LAMA2: variants seen among roughly 807,000 people sequenced by gnomAD.
The protein encoded by LAMA2 is laminin subunit alpha-2.
In LAMA2, 269 loss-of-function variants were observed where a neutral mutation model predicts 364.8. That is an observed-to-expected ratio of 0.74 (90% confidence interval 0.67 to 0.82). The LOEUF (loss-of-function observed/expected upper bound fraction) is 0.82, where lower values mean the gene tolerates loss of function less well. Among genes scored for constraint, LAMA2 ranks in the 40% least tolerant of loss-of-function variants. The pLI is 0.00. For synonymous variants in LAMA2, 1,379 were observed against 1,370.6 expected (o/e 1.01, Z -0.14); for missense variants, 3,807 against 3,873.2 (o/e 0.98, Z 0.45).
chr6:129,243,812 G>T (rs1006309810), intron 12 of LAMA2, among the ~76,000 whole-genome samples: 1 of 151,642 alleles, frequency 6.6e-6, no homozygotes, highest in African/African-American at 2.4e-5. Context: ...ATTGTGAAAA[G>T]AAATGCTATC....
At chr6:129,295,007 A>T (rs1789985949) in intron 20 of LAMA2, among the ~76,000 whole-genome samples, 1 of 152,258 alleles carries the variant, frequency 6.6e-6, no homozygotes. Context: ...CATATCTTAC[A>T]GTACTATTGT....
intron 3 of LAMA2, among the ~76,000 whole-genome samples, chr6:129,076,361 G>C (rs1773631925): frequency 6.7e-6 from 1 of 148,496 alleles, no homozygotes; most frequent in Non-Finnish European, 1.5e-5. Flanking sequence ...AAACCACTCA[G>C]GTCTTGGAAA....
chr6:129,190,289 T>A lies in LAMA2; in HGVS notation c.1552T>A (p.Cys518Ser), dbSNP rs1562314319. ...QEDNWKGCDE[C>S]FCSGVSNRCQ... ...GGATAATTGGAAAGGCTGCGATGAG[T>A]GTTTCTGTTCAGGGGTTTCAAACAG... is the stretch of plus-strand genomic sequence containing the variant. The change falls in exon 11 of 65, where the codon TGT becomes AGT. Residue 518 changes from cysteine (C) to serine (S), a missense_variant. Around this residue, in one of 3 missense-constraint regions of LAMA2, gnomAD observed 3,333 missense variants for 3,345.7 expected, o/e 1.00. Transcript: ENST00000421865. 6.2e-7 allele frequency: 1 copy of A among 1,613,702 alleles called. No homozygotes were observed. The highest frequency in any genetic ancestry group is 8.5e-7 in the Non-Finnish European group (1 of 1,179,646).
chr6:129,283,008 A>G (rs751799153), intron 18 of LAMA2, among the ~76,000 whole-genome samples: 10 of 152,156 alleles, frequency 6.6e-5, no homozygotes, highest in Non-Finnish European at 1.2e-4. Flanking sequence ...ACAAGATACA[A>G]CAAAACATGG....
At chr6:128,911,295 T>C (rs1313560091) in intron 1 of LAMA2, among the ~76,000 whole-genome samples, 1 of 152,186 alleles carries the variant, frequency 6.6e-6, no homozygotes. Context: ...TGAGACTCCG[T>C]GGGCGTAGTA....
chr6:129,098,132 T>C (rs754762088), intron 3 of LAMA2, 41 bp from the exon 4 acceptor site: 1 of 1,603,544 alleles, frequency 6.2e-7, no homozygotes, highest in Non-Finnish European at 8.5e-7. Context: ...GATGAGAATA[T>C]TTGGGAATTC....
intron 1 of LAMA2, among the ~76,000 whole-genome samples, chr6:128,975,895 C>G (rs1459955006): frequency 2.6e-5 from 4 of 152,072 alleles, no homozygotes; most frequent in Non-Finnish European, 5.9e-5. Flanking sequence ...TGGATTAATA[C>G]AAGGCATTAG....
At chr6:129,228,306 G>T (rs1040030661) in intron 12 of LAMA2, among the ~76,000 whole-genome samples, 1 of 151,998 alleles carries the variant, frequency 6.6e-6, no homozygotes, top group South Asian at 2.1e-4. Flanking sequence ...GCCCTGCTTT[G>T]GCTGACACTT....
At chr6:129,085,790 T>A (rs1346910710) in intron 3 of LAMA2, among the ~76,000 whole-genome samples, 1 of 152,170 alleles carries the variant, frequency 6.6e-6, no homozygotes, top group African/African-American at 2.4e-5. Context: ...AGTATAAAAT[T>A]CAGAAAAATT....
rs368710697 is a variant in LAMA2, at chr6:129,486,587, A to G, written c.7863A>G (p.Gly2621=). 1.5e-5 allele frequency: 24 copies of G among 1,613,842 alleles called. No homozygotes were observed. The highest frequency in any genetic ancestry group is 1.9e-5 in the Non-Finnish European group (22 of 1,179,864). ...IRPEPNLFHD[G]REHSVHVERT... ...CAGAGCCGAATCTGTTTCATGATGG[A>G]AGAGAACATTCCGTTCATGTAGAGC... Residue 2621 remains glycine (G), a synonymous_variant, in exon 56 of 65, where the codon GGA becomes GGG. Transcript: ENST00000421865.
intron 34 of LAMA2, among the ~76,000 whole-genome samples, chr6:129,371,669 C>A (rs534518004): frequency 1.4e-5 from 2 of 146,058 alleles, no homozygotes; most frequent in Non-Finnish European, 3.0e-5. Flanking sequence ...TGCAGTGGTG[C>A]GATCTTGGCT....
Position 129,314,652 on chromosome 6 carries a change from C to T in LAMA2, c.3412-3C>T. ...ACTCTGAGGGTCTCTTGTCTTTCCT[C>T]AGGTGAATGTGGAAGGCATCCACTG... is the stretch of plus-strand genomic sequence containing the variant. On this transcript the variant is annotated splice_region_variant and splice_polypyrimidine_tract_variant and intron_variant, in intron 23 of 64. Coordinates refer to ENST00000421865, the MANE Select transcript of LAMA2 (RefSeq NM_000426.4). 6.2e-7 allele frequency: 1 copy of T among 1,613,368 alleles called. No individual in the cohort carries two copies. Among genetic ancestry groups the T allele is most frequent in the Non-Finnish European group, 8.5e-7 (1 of 1,179,930 alleles).
rs79616167 is a variant in LAMA2, at chr6:128,912,476, G to A, written c.112+29119G>A. On this transcript the variant is annotated intron_variant, in intron 1 of 64. Coordinates refer to ENST00000421865, the MANE Select transcript of LAMA2 (RefSeq NM_000426.4). ...ATTCTTCATAGGTATATAAAACAGA[G>A]TAAGTATATTTTGTTTAACTTTTAA... Among the ~76,000 whole-genome samples, 134 of 152,260 alleles carry A rather than the reference G, an allele frequency of 8.8e-4. 3 individuals carry two copies. In the East Asian group the frequency reaches 0.026, roughly 29 times the overall value.
intron 1 of LAMA2, among the ~76,000 whole-genome samples, chr6:128,967,222 A>C (rs569200325): frequency 6.6e-6 from 1 of 152,292 alleles, no homozygotes; most frequent in East Asian, 1.9e-4. Flanking sequence ...GCTAATGGTC[A>C]AGGTAGATTC....
At chr6:128,990,804 A>G (rs1783563437) in intron 1 of LAMA2, among the ~76,000 whole-genome samples, 1 of 152,130 alleles carries the variant, frequency 6.6e-6, no homozygotes, top group Non-Finnish European at 1.5e-5. Context: ...AAATGTTTTT[A>G]ATTGAGCTGC....
At chr6:129,308,762 C>A (rs1339002679) in intron 22 of LAMA2, among the ~76,000 whole-genome samples, 1 of 152,140 alleles carries the variant, frequency 6.6e-6, no homozygotes, top group Non-Finnish European at 1.5e-5. Flanking sequence ...GTACAGGAAG[C>A]ATAGCGGCAT....
intron 4 of LAMA2, among the ~76,000 whole-genome samples, chr6:129,112,858 T>C (rs1161481143): frequency 7.2e-5 from 11 of 151,970 alleles, no homozygotes; most frequent in Non-Finnish European, 1.6e-4. Flanking sequence ...TTATTTCACC[T>C]ACTGAATAAC....
At chr6:129,016,837 A>G (rs1246381240) in intron 1 of LAMA2, among the ~76,000 whole-genome samples, 1 of 151,676 alleles carries the variant, frequency 6.6e-6, no homozygotes, top group Non-Finnish European at 1.5e-5. Flanking sequence ...AGATTATTCA[A>G]AGGTACATTT....
chr6:128,982,778 C>T (rs1287212358), intron 1 of LAMA2, among the ~76,000 whole-genome samples: 3 of 115,640 alleles, frequency 2.6e-5, no homozygotes, highest in African/African-American at 1.0e-4. Flanking sequence ...CACCCCACAA[C>T]AGTCCCCAGA....
Sources: gnomAD v4.1 joint callset for allele counts (sites outside exome capture counted in the v4.1 genomes callset) on GRCh38, gnomAD v4.1.1 for gene constraint, gnomAD v4.1.1 regional missense constraint, MANE v1.5 for transcripts, NCBI Gene and HGNC (gene_info 2026-07-23, HGNC 2026-07-21) for gene names.